The following CMSS1 variants were observed in gnomAD, a reference collection of about 807,000 sequenced individuals.
CMSS1 encodes cms1 ribosomal small subunit homolog, also known as protein CMSS1.
CMSS1 carries 33 observed loss-of-function variants against 43.5 expected under a neutral mutation model. That is an observed-to-expected ratio of 0.76 (90% CI 0.57 to 1.01). The LOEUF is 1.01. Among genes scored for constraint, CMSS1 ranks in the 50% least tolerant of loss-of-function variants. The pLI, the probability that CMSS1 is intolerant of heterozygous loss-of-function variation, is 0.00. For synonymous variants in CMSS1, 115 were observed against 117.2 expected, an observed-to-expected ratio of 0.98 and a Z score of 0.12; for missense variants, 313 against 326.4, an observed-to-expected ratio of 0.96 and a Z score of 0.32.
chr3:99,943,778 G>A (rs973176412), intron 1 of CMSS1, among the ~76,000 whole-genome samples: 1 of 152,200 alleles, frequency 6.6e-6, no homozygotes, highest in South Asian at 2.1e-4. Flanking sequence ...AAGCAAAGCA[G>A]TAATAAACAG....
intron 1 of CMSS1, chr3:99,924,227 T>C: frequency 1.2e-6 from 2 of 1,612,188 alleles, no homozygotes. Context: ...AAAGCAGCCT[T>C]ACCTTTCACA....
intron 1 of CMSS1, among the ~76,000 whole-genome samples, chr3:100,130,903 G>A (rs2066701018): frequency 6.6e-6 from 1 of 152,180 alleles, no homozygotes; most frequent in African/African-American, 2.4e-5. Context: ...ATTTTAAGGG[G>A]TAGGTGAAAT....
rs1378985371 is a variant in CMSS1 at position 100,109,913 on chromosome 3, C to G, written c.65-37060C>G. 14 of 123,174 alleles carry G rather than the reference C, an allele frequency of 1.1e-4. No homozygotes were observed. The East Asian group carries it at 1.5e-3, about 13-fold the overall frequency. 7.6% of individuals were successfully genotyped at this position (123,174 alleles called of 1,614,324 possible). A position where few individuals can be genotyped will look rare whatever the true frequency, so the allele number is the denominator to read the frequency against. On this transcript the variant is annotated intron_variant, in intron 1 of 9. Coordinates refer to ENST00000421999, the MANE Select transcript of CMSS1 (RefSeq NM_032359.4). ...AATGTTTCTTTTATGACCCCCCCCC[C>G]CCAGCACCACCCCCCAGCCAAAGAA...
intron 1 of CMSS1, among the ~76,000 whole-genome samples, chr3:100,000,605 T>G (rs1709814827): frequency 6.6e-6 from 1 of 152,208 alleles, no homozygotes; most frequent in Non-Finnish European, 1.5e-5. Context: ...ATTCCAGCAC[T>G]TTGGGAGGCC....
chr3:100,115,243 T>C (rs2066548513), intron 1 of CMSS1, among the ~76,000 whole-genome samples: 1 of 152,156 alleles, frequency 6.6e-6, no homozygotes, highest in Non-Finnish European at 1.5e-5. Context: ...GCTCAAGTCA[T>C]GCATTATCTA....
intron 5 of CMSS1, 110 bp downstream of exon 5, chr3:100,166,504 G>A: frequency 2.9e-6 from 2 of 681,334 alleles, no homozygotes; most frequent in Admixed American, 4.9e-5. Context: ...GGCCATTATT[G>A]CTCTAGGAAT....
chr3:100,112,312 G>A (rs2066505534), intron 1 of CMSS1, among the ~76,000 whole-genome samples: 1 of 152,136 alleles, frequency 6.6e-6, no homozygotes, highest in South Asian at 2.1e-4. Context: ...GTAATCAGAA[G>A]AAAAGAAGAT....
chr3:100,173,088 T>C (rs138697550), intron 8 of CMSS1, among the ~76,000 whole-genome samples: 270 of 152,356 alleles, frequency 1.8e-3, no homozygotes, highest in African/African-American at 6.2e-3. Context: ...GATTATTTTA[T>C]ATATCTAAAA....
intron 1 of CMSS1, chr3:99,876,340 T>C (rs1705520324): frequency 4.6e-6 from 2 of 438,172 alleles, no homozygotes; most frequent in South Asian, 1.9e-4. Flanking sequence ...GTTCCGGCCG[T>C]GTGAACGGAC....
At chr3:99,936,205 G>A (rs999603569) in intron 1 of CMSS1, among the ~76,000 whole-genome samples, 1 of 151,686 alleles carries the variant, frequency 6.6e-6, no homozygotes, top group African/African-American at 2.4e-5. Context: ...CATTTAATAT[G>A]GTATCGAGGT....
At chr3:99,930,642 T>G (rs1707447999) in intron 1 of CMSS1, 1 of 975,312 alleles carries the variant, frequency 1.0e-6, no homozygotes, top group Non-Finnish European at 1.5e-6. Flanking sequence ...GTATATATAC[T>G]TATGCTTTGC....
intron 1 of CMSS1, among the ~76,000 whole-genome samples, chr3:99,959,405 C>T (rs1194172913): frequency 6.6e-6 from 1 of 152,234 alleles, no homozygotes; most frequent in Non-Finnish European, 1.5e-5. Flanking sequence ...CTGACTCAGA[C>T]TCCCAAAGTG....
chr3:100,081,025 A>G (rs752097247), intron 1 of CMSS1, among the ~76,000 whole-genome samples: 20 of 152,208 alleles, frequency 1.3e-4, no homozygotes, highest in Non-Finnish European at 2.4e-4. Flanking sequence ...TCTGTTGAGC[A>G]TCTTGTGTAA....
At chr3:99,868,054 A>T (rs1944607677) in intron 1 of CMSS1, among the ~76,000 whole-genome samples, 1 of 152,280 alleles carries the variant, frequency 6.6e-6, no homozygotes, top group South Asian at 2.1e-4. Context: ...GGTTGTAAAG[A>T]TTTGTCTTAC....
chr3:100,064,531 T>G (rs921816753), intron 1 of CMSS1, among the ~76,000 whole-genome samples: 3 of 152,192 alleles, frequency 2.0e-5, no homozygotes, highest in Non-Finnish European at 4.4e-5. Context: ...ATTCTTTATG[T>G]TTTGACAAAT....
chr3:100,017,395 C>T (rs1403446411), intron 1 of CMSS1, among the ~76,000 whole-genome samples: 1 of 152,180 alleles, frequency 6.6e-6, no homozygotes, highest in Non-Finnish European at 1.5e-5. Flanking sequence ...TTACCTCTCC[C>T]ATTATTAGTA....
intron 1 of CMSS1, among the ~76,000 whole-genome samples, chr3:99,890,336 T>C (rs1706043351): frequency 6.6e-6 from 1 of 152,144 alleles, no homozygotes; most frequent in Non-Finnish European, 1.5e-5. Flanking sequence ...AATGCAGATT[T>C]CTTTTATTTT....
intron 1 of CMSS1, among the ~76,000 whole-genome samples, chr3:99,868,378 T>C (rs541641208): frequency 5.4e-4 from 83 of 152,302 alleles, no homozygotes; most frequent in African/African-American, 1.8e-3. Context: ...GAATTCTTCA[T>C]GACTGCATCC....
chr3:99,876,090 G>C lies in CMSS1; in HGVS notation c.64+58047G>C, dbSNP rs1371540591. ...GGCTTACCTGAACTGCCTGCGCCGG[G>C]GCCGGGCGGGGGCCGGGCCGGGGCC... On this transcript the variant is annotated intron_variant, in intron 1 of 9. Transcript: ENST00000421999. 3.0e-6 allele frequency: 3 copies of C among 986,384 alleles called. No homozygotes were observed. In the South Asian group the frequency reaches 1.4e-4, roughly 46 times the overall value. The allele number at this position is 986,384 out of a possible 1,614,324, so 61.1% of individuals were successfully genotyped here.
Sources: allele counts gnomAD v4.1 joint callset (sites outside exome capture counted in the v4.1 genomes callset), GRCh38; gene constraint gnomAD v4.1.1; transcripts MANE v1.5; gene names NCBI Gene and HGNC (gene_info 2026-07-23, HGNC 2026-07-21).